SPTLC3: variants seen among roughly 807,000 people sequenced by gnomAD.
SPTLC3 encodes the protein serine palmitoyltransferase long chain base subunit 3.
A neutral mutation model predicts 59.3 loss-of-function variants in SPTLC3; 36 were observed. The observed-to-expected ratio is 0.61, with a 90% CI of 0.47 to 0.80. The LOEUF (loss-of-function observed/expected upper bound fraction) is 0.80. SPTLC3 is among the 30% of genes least tolerant of loss of function. The pLI is 0.00. For synonymous variants in SPTLC3, 257 were observed against 240.8 expected, an observed-to-expected ratio of 1.07 and a Z score of -0.62; for missense variants, 625 against 685.1, an observed-to-expected ratio of 0.91 and a Z score of 0.98.
intron 6 of SPTLC3, among the ~76,000 whole-genome samples, chr20:13,097,494 A>C (rs1989458736): frequency 6.6e-6 from 1 of 152,128 alleles, no homozygotes; most frequent in Non-Finnish European, 1.5e-5. Flanking sequence ...TGAAAAAAAA[A>C]TAATAATTCT....
chr20:13,058,849 C>T (rs1233978059), intron 2 of SPTLC3, among the ~76,000 whole-genome samples: 1 of 152,198 alleles, frequency 6.6e-6, no homozygotes, highest in Non-Finnish European at 1.5e-5. Context: ...TCATTCTGCT[C>T]ATCACACGAC....
intron 6 of SPTLC3, among the ~76,000 whole-genome samples, chr20:13,105,354 C>T (rs1989828126): frequency 6.6e-6 from 1 of 152,148 alleles, no homozygotes; most frequent in Non-Finnish European, 1.5e-5. Flanking sequence ...CCAAAAGCCA[C>T]TCCCATGGCT....
chr20:13,073,863 T>C (rs1199001112), intron 3 of SPTLC3: 3 of 540,498 alleles, frequency 5.6e-6, no homozygotes, highest in African/African-American at 2.0e-5. Flanking sequence ...TTTCCTTTTC[T>C]TTAATAAATT....
At position 13,087,799 on chromosome 20, in the gene SPTLC3, C is replaced by T. The variant is rs116687153; in HGVS notation, c.608-3284C>T. 8.0e-3 allele frequency among the ~76,000 whole-genome samples: 1,214 copies of T among 152,264 alleles called. 12 individuals carry two copies. The highest frequency in any genetic ancestry group is 0.027 in the African/African-American group (1,133 of 41,544). ...GAGAAGATTGCCCTGGGAACATTCT[C>T]AGTTCAACTTAATAAGTGCTATAAT... On this transcript the variant is annotated intron_variant, in intron 4 of 11. Transcript: ENST00000399002.
At chr20:13,157,806 A>T (rs1388434201) in intron 10 of SPTLC3, among the ~76,000 whole-genome samples, 1 of 152,090 alleles carries the variant, frequency 6.6e-6, no homozygotes, top group Admixed American at 6.5e-5. Context: ...TCTTTGTTGG[A>T]AGTTTATATG....
At chr20:13,012,442 C>T (rs1433674985) in intron 1 of SPTLC3, among the ~76,000 whole-genome samples, 1 of 152,040 alleles carries the variant, frequency 6.6e-6, no homozygotes, top group African/African-American at 2.4e-5. Context: ...AAGAAGTTTA[C>T]AATTTATCTG....
intron 6 of SPTLC3, among the ~76,000 whole-genome samples, chr20:13,095,719 T>C (rs1316066753): frequency 6.6e-6 from 1 of 152,158 alleles, no homozygotes; most frequent in Non-Finnish European, 1.5e-5. Context: ...TCTTATTTTT[T>C]GAACCTCCTT....
At chr20:13,093,373 T>G in intron 5 of SPTLC3, 111 bp from the exon 6 acceptor site, 3 of 943,996 alleles carry the variant, frequency 3.2e-6, no homozygotes, top group Non-Finnish European at 4.8e-6. Flanking sequence ...AAAATTAAAG[T>G]GAGTTTTAGA....
intron 1 of SPTLC3, among the ~76,000 whole-genome samples, chr20:13,035,491 C>T (rs1415938934): frequency 6.6e-6 from 1 of 152,132 alleles, no homozygotes. Context: ...TGCTAATAAA[C>T]TGCCAAGAGG....
intron 6 of SPTLC3, among the ~76,000 whole-genome samples, chr20:13,096,379 T>A (rs571572190): frequency 6.6e-6 from 1 of 152,072 alleles, no homozygotes; most frequent in Non-Finnish European, 1.5e-5. Context: ...ACAATCCGAA[T>A]GTCTACCAAC....
At chr20:13,057,959 C>T (rs1043626742) in intron 2 of SPTLC3, among the ~76,000 whole-genome samples, 23 of 152,062 alleles carry the variant, frequency 1.5e-4, no homozygotes, top group African/African-American at 4.6e-4. Flanking sequence ...TCTACAGGTC[C>T]GCATTTCTCA....
rs139617010 is a variant in SPTLC3 at position 13,120,700 on chromosome 20, T to A, written c.1152+2975T>A. Among the ~76,000 whole-genome samples the A allele has an allele frequency of 1.8e-3, 269 of 152,346 alleles. 1 individual carries two copies. The highest frequency in any genetic ancestry group is 6.2e-3 in the African/African-American group (256 of 41,568). On this transcript the variant is annotated intron_variant, in intron 8 of 11. Transcript: ENST00000399002. ...ACAAGGAGAAAAAAATGGTTTAGTA[T>A]GACGATACTACTAGAGGAAACAGAG... is the stretch of plus-strand genomic sequence containing the variant.
intron 1 of SPTLC3, among the ~76,000 whole-genome samples, chr20:13,042,042 G>T (rs1165706242): frequency 6.6e-6 from 1 of 152,152 alleles, no homozygotes; most frequent in Non-Finnish European, 1.5e-5. Flanking sequence ...GGCATAAATT[G>T]CTTCACAATC....
intron 9 of SPTLC3, among the ~76,000 whole-genome samples, chr20:13,134,422 G>C (rs1023454387): frequency 1.3e-5 from 2 of 152,120 alleles, no homozygotes; most frequent in Admixed American, 1.3e-4. Context: ...CTGATGTTGG[G>C]GAAAGTTCCC....
chr20:13,048,999 G>A lies in SPTLC3; in HGVS notation c.172G>A (p.Ala58Thr). The part of the protein sequence containing the change: ...DKLIVESFEE[A>T]PLHVMVFTYM... ...GCTCATTGTTGAATCGTTTGAGGAA[G>A]CACCCCTTCATGTTATGGTTTTCAC... Residue 58 changes from alanine (A) to threonine (T), a missense_variant, in exon 2 of 12, where the codon GCA becomes ACA. By Grantham distance (58) the Ala-to-Thr change is moderately conservative (BLOSUM62 0). Transcript: ENST00000399002. 1 of 1,602,316 alleles carries A rather than the reference G, an allele frequency of 6.2e-7. No homozygotes were observed. Among genetic ancestry groups the A allele is most frequent in the South Asian group, 1.1e-5 (1 of 88,370 alleles).
chr20:13,143,770 C>T (rs112510053), intron 9 of SPTLC3, among the ~76,000 whole-genome samples: 1 of 152,222 alleles, frequency 6.6e-6, no homozygotes, highest in African/African-American at 2.4e-5. Context: ...CACGGTTTCT[C>T]AGAGCCCTTT....
intron 9 of SPTLC3, among the ~76,000 whole-genome samples, chr20:13,133,339 C>A (rs1034286298): frequency 2.6e-5 from 4 of 151,886 alleles, no homozygotes; most frequent in Admixed American, 6.6e-5. Context: ...GTCCAGGGAC[C>A]AGCCTTTGAG....
chr20:13,149,272 C>T (rs766258781), intron 9 of SPTLC3, among the ~76,000 whole-genome samples: 4 of 152,168 alleles, frequency 2.6e-5, no homozygotes, highest in Admixed American at 6.5e-5. Context: ...GGGATGTGGC[C>T]GCAGTGCCCA....
chr20:13,056,516 C>T (rs1469839848), intron 2 of SPTLC3, among the ~76,000 whole-genome samples: 2 of 149,036 alleles, frequency 1.3e-5, no homozygotes, highest in African/African-American at 2.5e-5. Context: ...AATGCAATCT[C>T]GGCTCACTGC....
Sources: allele counts gnomAD v4.1 joint callset (sites outside exome capture counted in the v4.1 genomes callset), GRCh38; gene constraint gnomAD v4.1.1; transcripts MANE v1.5; gene names NCBI Gene and HGNC (gene_info 2026-07-23, HGNC 2026-07-21).